THADA: variants seen among roughly 807,000 people sequenced by gnomAD.
THADA encodes the protein THADA armadillo repeat containing.
A neutral mutation model predicts 219.8 loss-of-function variants in THADA; 213 were observed. That is an observed-to-expected ratio of 0.97 (90% confidence interval 0.87 to 1.09). THADA has a LOEUF of 1.09. THADA is among the 50% of genes least tolerant of loss of function. THADA has a pLI of 0.00. For synonymous variants in THADA, 1,018 were observed against 828.9 expected (o/e 1.23, Z -3.92); for missense variants, 2,956 against 2,311.3 (o/e 1.28, Z -5.72).
intron 26 of THADA, among the ~76,000 whole-genome samples, chr2:43,447,319 T>G (rs929176391): frequency 1.3e-5 from 2 of 152,108 alleles, no homozygotes; most frequent in African/African-American, 2.4e-5. Context: ...CATATCTATA[T>G]TACTCCAATC....
At chr2:43,233,062 A>G in intron 36 of THADA, 180 bp from the exon 37 acceptor site, 1 of 638,820 alleles carries the variant, frequency 1.6e-6, no homozygotes, top group Non-Finnish European at 2.7e-6. Context: ...CCTGCTATTT[A>G]TACTGTTAGA....
chr2:43,362,403 G>A (rs1028067773), intron 29 of THADA, among the ~76,000 whole-genome samples: 1 of 152,124 alleles, frequency 6.6e-6, no homozygotes, highest in Non-Finnish European at 1.5e-5. Context: ...GTTGTTAGGC[G>A]ATTTCATCAT....
At chr2:43,320,681 C>A in intron 30 of THADA, 141 bp from the exon 31 acceptor site, 1 of 568,052 alleles carries the variant, frequency 1.8e-6, no homozygotes, top group Non-Finnish European at 3.0e-6. Context: ...GATGTACAAT[C>A]ATTGATGGCA....
Position 43,481,072 on chromosome 2 carries a change from T to A in THADA, c.3836+4162A>T, listed in dbSNP as rs927230471. 3.3e-5 allele frequency among the ~76,000 whole-genome samples: 5 copies of A among 152,334 alleles called. No homozygotes were observed. The East Asian group carries it at 7.7e-4, about 24-fold the overall frequency. The stretch of plus-strand genomic sequence containing the variant: ...GGTAACCACAGAAACTTGTGGAATC[T>A]CTTTTCCTAGAAAACATGAAGAACA... On this transcript the variant is annotated intron_variant, in intron 26 of 37. Coordinates refer to ENST00000405975, the MANE Select transcript of THADA (RefSeq NM_022065.5).
Position 43,291,703 on chromosome 2 carries a change from CAT to C in THADA, c.5001_5002del (p.Val1669GlyfsTer9), listed in dbSNP as rs1205169784. ...GATCAGAACCAGCCTTACCTCCACA[CAT>C]GTCTGCATGTGGTGGGAAATGACTT... On this transcript the variant is annotated frameshift_variant, in exon 34 of 38. Coordinates refer to ENST00000405975, the MANE Select transcript of THADA (RefSeq NM_022065.5). LOFTEE classifies it high-confidence loss of function. 3.9e-6 allele frequency: 6 copies of C among 1,554,422 alleles called. No homozygotes were observed. The highest frequency in any genetic ancestry group is 5.2e-6 in the Non-Finnish European group (6 of 1,147,178).
intron 29 of THADA, among the ~76,000 whole-genome samples, chr2:43,354,206 T>C (rs541508077): frequency 6.6e-6 from 1 of 152,210 alleles, no homozygotes; most frequent in East Asian, 1.9e-4. Context: ...TCCACCCGCC[T>C]TGGCCTCCCA....
At chr2:43,330,205 C>T (rs1183462557) in intron 30 of THADA, among the ~76,000 whole-genome samples, 1 of 152,208 alleles carries the variant, frequency 6.6e-6, no homozygotes, top group Non-Finnish European at 1.5e-5. Context: ...CTTGTGGTTA[C>T]CCAGGAACGC....
intron 26 of THADA, among the ~76,000 whole-genome samples, chr2:43,450,554 ATAAAC>A (rs557926116): frequency 1.7e-4 from 26 of 152,316 alleles, no homozygotes; most frequent in Admixed American, 1.2e-3. Flanking sequence ...ACAGCAAAAA[ATAAAC>A]TAAACATTAA....
chr2:43,330,533 C>T (rs190003348), intron 30 of THADA, among the ~76,000 whole-genome samples: 1 of 152,288 alleles, frequency 6.6e-6, no homozygotes, highest in Admixed American at 6.5e-5. Flanking sequence ...TGTGCTCCTG[C>T]CAGGCCAGCG....
intron 26 of THADA, among the ~76,000 whole-genome samples, chr2:43,483,801 CAA>C (rs574763804): frequency 6.7e-6 from 1 of 150,036 alleles, no homozygotes; most frequent in Admixed American, 6.6e-5. Context: ...TCATAAAAAA[CAA>C]AAAAAAATTT....
chr2:43,256,284 G>A (rs1670301071), intron 36 of THADA, among the ~76,000 whole-genome samples: 1 of 151,994 alleles, frequency 6.6e-6, no homozygotes, highest in African/African-American at 2.4e-5. Flanking sequence ...CAAGGTGGGA[G>A]TTATCACTTG....
intron 25 of THADA, among the ~76,000 whole-genome samples, chr2:43,487,272 A>G (rs1687030113): frequency 6.6e-6 from 1 of 152,178 alleles, no homozygotes; most frequent in African/African-American, 2.4e-5. Context: ...CCTCTCAGAA[A>G]TCACACAAAA....
chr2:43,285,159 G>A (rs986349233), intron 35 of THADA, among the ~76,000 whole-genome samples: 1 of 152,178 alleles, frequency 6.6e-6, no homozygotes, highest in African/African-American at 2.4e-5. Context: ...TGAACCTGGA[G>A]GACTGTTGAG....
chr2:43,462,376 T>G (rs960533074), intron 26 of THADA, among the ~76,000 whole-genome samples: 31 of 152,276 alleles, frequency 2.0e-4, no homozygotes, highest in African/African-American at 7.0e-4. Context: ...TAAGGTGAAC[T>G]TCTAGTGCCT....
chr2:43,313,560 A>G (rs1677745911), intron 31 of THADA, among the ~76,000 whole-genome samples: 1 of 152,244 alleles, frequency 6.6e-6, no homozygotes, highest in South Asian at 2.1e-4. Flanking sequence ...CCAAGGGAAA[A>G]AGGGCAGGTG....
chr2:43,549,435 T>G, intron 19 of THADA, 67 bp from the exon 20 acceptor site: 1 of 1,470,178 alleles, frequency 6.8e-7, no homozygotes, highest in Non-Finnish European at 9.1e-7. Context: ...CCCTTGGGGA[T>G]GCTTACTCAA....
rs1205187245 is a variant in THADA, at chr2:43,520,961, AAGGGAGGAAGGG to A, written c.3374+6906_3374+6917del. 9.7e-3 allele frequency among the ~76,000 whole-genome samples: 1,113 copies of A among 114,190 alleles called. 21 individuals carry two copies. The highest frequency in any genetic ancestry group is 0.034 in the African/African-American group (973 of 28,320). The allele number at this position is 114,190 out of a possible 152,430, so 74.9% of individuals were successfully genotyped here. ...GGAGGGAGGGAGGGAGGGAAGAAGG[AAGGGAGGAAGGG>A]AGGGAGGAAGGGAGGAAAGGGAGGA... is the stretch of plus-strand genomic sequence containing the variant. On this transcript the variant is annotated intron_variant, in intron 22 of 37. Transcript: ENST00000405975.
At chr2:43,313,538 T>C (rs1180839787) in intron 31 of THADA, among the ~76,000 whole-genome samples, 1 of 152,240 alleles carries the variant, frequency 6.6e-6, no homozygotes, top group Non-Finnish European at 1.5e-5. Flanking sequence ...GCAGTGGCCA[T>C]AGGTCCACTT....
intron 15 of THADA, chr2:43,565,684 T>C (rs1033340383): frequency 6.6e-6 from 1 of 152,342 alleles, no homozygotes; most frequent in South Asian, 2.1e-4. Context: ...GGCCATTCCC[T>C]GTGAAGGAGC....
Sources: gnomAD v4.1 joint callset for allele counts (sites outside exome capture counted in the v4.1 genomes callset) on GRCh38, gnomAD v4.1.1 for gene constraint, MANE v1.5 for transcripts, NCBI Gene and HGNC (gene_info 2026-07-23, HGNC 2026-07-21) for gene names.